SLC16A5: variants seen among roughly 807,000 people sequenced by gnomAD.
SLC16A5 encodes monocarboxylate transporter 6.
Under a neutral mutation model 33.2 loss-of-function variants are expected in SLC16A5, and 29 were observed. That is an observed-to-expected ratio of 0.87 (90% CI 0.65 to 1.19). The LOEUF (loss-of-function observed/expected upper bound fraction) is 1.19, where lower values mean the gene tolerates loss of function less well. Among genes scored for constraint, SLC16A5 ranks in the 50% most tolerant of loss-of-function variants. SLC16A5 has a pLI of 0.00. For missense variants in SLC16A5, 606 were observed against 678.2 expected, an observed-to-expected ratio of 0.89 and a Z score of 1.18; for synonymous variants, 248 against 284.1, an observed-to-expected ratio of 0.87 and a Z score of 1.28.
At chr17:75,092,399 T>C (rs1169440781) in intron 2 of SLC16A5, among the ~76,000 whole-genome samples, 3 of 150,788 alleles carry the variant, frequency 2.0e-5, no homozygotes, top group Non-Finnish European at 4.4e-5. Flanking sequence ...GCTATGTCAC[T>C]AGGCTGGAGT....
Position 75,100,257 on chromosome 17 carries a change from T to C in SLC16A5, c.594T>C (p.Pro198=). ...GGCCTGTGGCCACCAGTGTGGCCCC[T>C]GAGACCAAAGAATGTCCCCCGCCAC... The part of the protein sequence containing the change: ...IIRPVATSVA[P]ETKECPPPPP... The change falls in exon 5 of 7, where the codon CCT becomes CCC. Residue 198 remains proline (P), a synonymous_variant. Transcript: ENST00000329783. The C allele has an allele frequency of 6.2e-7, 1 of 1,614,212 alleles. No homozygotes were observed. Among genetic ancestry groups the C allele is most frequent in the Non-Finnish European group, 8.5e-7 (1 of 1,180,028 alleles).
chr17:75,091,411 A>T (rs1347145065), intron 2 of SLC16A5, among the ~76,000 whole-genome samples: 3 of 152,008 alleles, frequency 2.0e-5, no homozygotes, highest in Admixed American at 1.3e-4. Context: ...GGCTGGGAGG[A>T]TCTCTAGCCA....
chr17:75,109,394 TGGG>T (rs139969378), downstream of SLC16A5, among the ~76,000 whole-genome samples: 2,980 of 152,182 alleles, frequency 0.02, 87 homozygotes, highest in African/African-American at 0.068. The surrounding 1 kb of genome is among the most constrained non-coding windows in gnomAD (Gnocchi z 5.0). Context: ...AAAGGACTGA[TGGG>T]GGGCGTAAGG....
At chr17:75,107,301 C>A (rs1598158969), downstream of SLC16A5, among the ~76,000 whole-genome samples, 1 of 150,734 alleles carries the variant, frequency 6.6e-6, no homozygotes, top group South Asian at 2.1e-4. Context: ...GTCCCCCCTT[C>A]CCAAAAAAAA....
intron 3 of SLC16A5, among the ~76,000 whole-genome samples, chr17:75,096,374 C>T (rs1456210780): frequency 6.9e-6 from 1 of 145,844 alleles, no homozygotes; most frequent in Non-Finnish European, 1.5e-5. Context: ...ATGTCAACTT[C>T]CCTAAGTCAG....
intron 5 of SLC16A5, 70 bp from the exon 6 acceptor site, chr17:75,103,900 G>A (rs945701757): frequency 4.3e-6 from 6 of 1,387,064 alleles, no homozygotes; most frequent in Non-Finnish European, 6.1e-6. Context: ...AATACCTGCT[G>A]TCAGGGAACA....
At chr17:75,106,592 T>A (rs12951639), downstream of SLC16A5, among the ~76,000 whole-genome samples, 62,676 of 93,236 alleles carry the variant, frequency 0.67, 21,219 homozygotes, top group African/African-American at 0.73. Context: ...GTCTTTTTTT[T>A]AAAAAAAAAA....
intron 5 of SLC16A5, among the ~76,000 whole-genome samples, chr17:75,101,374 C>T (rs1207478901): frequency 1.3e-5 from 2 of 151,200 alleles, no homozygotes; most frequent in South Asian, 2.1e-4. Flanking sequence ...ACATGGCTAA[C>T]GTGGTGAAAC....
chr17:75,096,255 C>T (rs1371352445), intron 3 of SLC16A5, among the ~76,000 whole-genome samples: 4 of 151,786 alleles, frequency 2.6e-5, no homozygotes, highest in African/African-American at 7.3e-5. Flanking sequence ...AGTGAGTTCA[C>T]GGCAGAGGAA....
Position 75,105,371 on chromosome 17 carries a change from C to T in SLC16A5, c.1365-509C>T, listed in dbSNP as rs12601961. The T allele has an allele frequency of 0.014, 14,164 of 985,404 alleles. 1,730 individuals carry two copies. In the East Asian group the frequency reaches 0.53, roughly 37 times the overall value. The allele number at this position is 985,404 out of a possible 1,614,324, so 61.0% of individuals were successfully genotyped here. On this transcript the variant is annotated intron_variant, in intron 6 of 6. Coordinates refer to ENST00000329783, the MANE Select transcript of SLC16A5 (RefSeq NM_004695.4). Reference sequence around the variant, plus strand: ...TGACGGGAGAGGAAGGCTTGCCAGGCAGCCCGAAGACTGTTGTGAAAATGG... The same window carrying T: ...TGACGGGAGAGGAAGGCTTGCCAGGTAGCCCGAAGACTGTTGTGAAAATGG...
At position 75,093,782 on chromosome 17, in the gene SLC16A5, A is replaced by T; in HGVS notation, c.146A>T (p.Asn49Ile). 6.2e-7 allele frequency: 1 copy of T among 1,614,152 alleles called. No homozygotes were observed. Among genetic ancestry groups the T allele is most frequent in the Non-Finnish European group, 8.5e-7 (1 of 1,179,998 alleles). Reference sequence around the variant, plus strand: ...TTGCAATGGGAGTTCCAGGCCAGCAACAGCGAGACCTCTTGGTTCCCCTCC... The same window carrying T: ...TTGCAATGGGAGTTCCAGGCCAGCATCAGCGAGACCTCTTGGTTCCCCTCC... ...TELQWEFQASNSETSWFPSIL... is the reference protein window; with the variant it reads ...TELQWEFQASISETSWFPSIL... Residue 49 changes from asparagine (N) to isoleucine (I), a missense_variant, in exon 3 of 7, where the codon AAC becomes ATC. By Grantham distance (149) the Asn-to-Ile change is moderately radical. Transcript: ENST00000329783.
rs370923713 is a variant in SLC16A5, at chr17:75,091,052, G to A, written c.-49+1748G>A. Among the ~76,000 whole-genome samples the A allele has an allele frequency of 1.2e-4, 19 of 152,350 alleles. No individual in the cohort carries two copies. The East Asian group carries it at 3.5e-3, about 28-fold the overall frequency. On this transcript the variant is annotated intron_variant, in intron 2 of 6. Coordinates refer to ENST00000329783, the MANE Select transcript of SLC16A5 (RefSeq NM_004695.4). ...GCAGTGGGGAGAGGGAGCAGGGCTG[G>A]GGTCCAGCCTCCAGGCCTCCCAAAT...
chr17:75,093,459 G>A lies in SLC16A5; in HGVS notation c.-48-130G>A, dbSNP rs1349743892. On this transcript the variant is annotated intron_variant, in intron 2 of 6. Transcript: ENST00000329783. ...GGCCTCTGGCCACCTCCCAGGGGTG[G>A]TGCCCCTCTGTGACACCTGGTACTT... The A allele has an allele frequency of 2.6e-6, 4 of 1,535,944 alleles. No individual in the cohort carries two copies. The African/African-American group carries it at 4.1e-5, about 16-fold the overall frequency.
At chr17:75,092,146 CGT>C (rs1240879829) in intron 2 of SLC16A5, among the ~76,000 whole-genome samples, 4 of 151,546 alleles carry the variant, frequency 2.6e-5, no homozygotes, top group Admixed American at 6.6e-5. Context: ...TGTACATATG[CGT>C]GTGTCTCTCT....
chr17:75,100,408 G>A lies in SLC16A5; in HGVS notation c.745G>A (p.Val249Ile), dbSNP rs781268780. Reference protein sequence around the residue: ...CVYILGVMWSVLGFPLPQVFL... With the variant: ...CVYILGVMWSILGFPLPQVFL... Reference sequence around the variant, plus strand: ...GTACATACTGGGTGTGATGTGGTCCGTCCTGGGCTTCCCACTGCCACAAGT... The same window carrying A: ...GTACATACTGGGTGTGATGTGGTCCATCCTGGGCTTCCCACTGCCACAAGT... Residue 249 changes from valine to isoleucine, a missense_variant, in exon 5 of 7, where the codon GTC becomes ATC. By Grantham distance (29) the Val-to-Ile change is conservative. Transcript: ENST00000329783. The A allele has an allele frequency of 2.1e-5, 34 of 1,614,144 alleles. 1 individual carries two copies. Among genetic ancestry groups the A allele is most frequent in the South Asian group, 2.1e-4 (19 of 91,096 alleles).
chr17:75,092,194 T>C (rs1479451348), intron 2 of SLC16A5, among the ~76,000 whole-genome samples: 1 of 152,062 alleles, frequency 6.6e-6, no homozygotes, highest in Admixed American at 6.6e-5. Context: ...TCTGCTAGTG[T>C]GTCTTGTGTA....
downstream of SLC16A5, among the ~76,000 whole-genome samples, chr17:75,109,226 C>T (rs957584563): frequency 2.0e-5 from 3 of 152,192 alleles, no homozygotes; most frequent in African/African-American, 7.2e-5. The surrounding 1 kb of genome is among the most constrained non-coding windows in gnomAD (Gnocchi z 5.0). Context: ...CCTCCTCGGG[C>T]TCCCCCGTGC....
At chr17:75,107,652 A>G (rs2073872952), downstream of SLC16A5, among the ~76,000 whole-genome samples, 1 of 151,832 alleles carries the variant, frequency 6.6e-6, no homozygotes, top group Non-Finnish European at 1.5e-5. Flanking sequence ...AAAATACAAA[A>G]ATTAGGCCGG....
intron 5 of SLC16A5, among the ~76,000 whole-genome samples, chr17:75,101,430 G>A (rs1434389565): frequency 1.3e-5 from 2 of 149,186 alleles, no homozygotes; most frequent in Admixed American, 6.7e-5. Flanking sequence ...GTGTGGTGGC[G>A]GGCACCTGTA....
Sources: gnomAD v4.1 joint callset for allele counts (sites outside exome capture counted in the v4.1 genomes callset) on GRCh38, gnomAD v4.1.1 for gene constraint, Gnocchi (gnomAD v3.1) non-coding constraint, MANE v1.5 for transcripts, NCBI Gene and HGNC (gene_info 2026-07-23, HGNC 2026-07-21) for gene names.